Variants in SH3RF3 observed in about 807,000 individuals in gnomAD.
SH3RF3 encodes the protein E3 ubiquitin-protein ligase SH3RF3.
SH3RF3 carries 29 observed loss-of-function variants against 66.3 expected under a neutral mutation model. The observed-to-expected ratio is 0.44, with a 90% confidence interval of 0.33 to 0.60. SH3RF3 has a LOEUF of 0.60. Ranked by LOEUF, SH3RF3 falls within the 20% of genes least tolerant of loss-of-function variation. The pLI is 0.04. For synonymous variants in SH3RF3, 583 were observed against 532.0 expected (o/e 1.10, Z -1.32); for missense variants, 1,194 against 1,190.9 (o/e 1.00, Z -0.04).
chr2:109,332,122 C>G (rs1361469975), intron 1 of SH3RF3, among the ~76,000 whole-genome samples: 1 of 152,172 alleles, frequency 6.6e-6, no homozygotes, highest in East Asian at 1.9e-4. Context: ...TTGGCCAAGG[C>G]TGCTGGTAAA....
chr2:109,288,017 CT>C (rs1250178355), intron 1 of SH3RF3, among the ~76,000 whole-genome samples: 2 of 135,886 alleles, frequency 1.5e-5, no homozygotes, highest in African/African-American at 2.6e-5. Flanking sequence ...ATCCCATGGC[CT>C]TTTGGCTGAC....
intron 1 of SH3RF3, among the ~76,000 whole-genome samples, chr2:109,317,382 A>G (rs951368326): frequency 6.6e-6 from 1 of 152,084 alleles, no homozygotes; most frequent in African/African-American, 2.4e-5. Flanking sequence ...AGGAGAGTCC[A>G]GAGGTCTGGG....
chr2:109,490,219 A>G (rs1220352135), intron 8 of SH3RF3, among the ~76,000 whole-genome samples: 4 of 152,214 alleles, frequency 2.6e-5, no homozygotes, highest in African/African-American at 9.6e-5. Context: ...GCCTTGGAAA[A>G]TAGAAATAAT....
chr2:109,470,948 G>C (rs983550226), intron 8 of SH3RF3, among the ~76,000 whole-genome samples: 1 of 152,124 alleles, frequency 6.6e-6, no homozygotes, highest in Non-Finnish European at 1.5e-5. Flanking sequence ...GGCTGGGTGC[G>C]GTGGCTCACG....
intron 1 of SH3RF3, chr2:109,313,653 C>T (rs150263827): frequency 7.7e-5 from 12 of 155,106 alleles, no homozygotes; most frequent in African/African-American, 2.6e-4. Flanking sequence ...GCTCAACATC[C>T]CAGGGGGATG....
intron 4 of SH3RF3, among the ~76,000 whole-genome samples, chr2:109,407,962 C>T (rs1312937378): frequency 2.0e-5 from 3 of 152,114 alleles, no homozygotes; most frequent in Non-Finnish European, 2.9e-5. Context: ...GCTGCTATGA[C>T]GAGCTAGGAA....
chr2:109,273,599 G>T (rs191427403), intron 1 of SH3RF3, among the ~76,000 whole-genome samples: 3 of 152,314 alleles, frequency 2.0e-5, no homozygotes, highest in Admixed American at 2.0e-4. Flanking sequence ...TTTGTGGTGG[G>T]ACAGGCTTAG....
intron 7 of SH3RF3, among the ~76,000 whole-genome samples, chr2:109,437,587 G>T (rs1161700259): frequency 1.3e-5 from 2 of 152,216 alleles, no homozygotes; most frequent in Non-Finnish European, 2.9e-5. Context: ...GCCCTGCAGG[G>T]CTTCCCAGCT....
intron 6 of SH3RF3, among the ~76,000 whole-genome samples, chr2:109,435,569 G>C (rs1376292113): frequency 1.3e-5 from 2 of 152,194 alleles, no homozygotes; most frequent in African/African-American, 2.4e-5. Context: ...GTGGGAGCAG[G>C]TATGTGGCTC....
intron 1 of SH3RF3, among the ~76,000 whole-genome samples, chr2:109,280,102 T>C (rs1680848018): frequency 6.6e-6 from 1 of 152,174 alleles, no homozygotes. Flanking sequence ...GTTCTTTTTT[T>C]CTGCATGTTT....
At chr2:109,437,890 C>T (rs1214631960) in intron 7 of SH3RF3, among the ~76,000 whole-genome samples, 2 of 152,154 alleles carry the variant, frequency 1.3e-5, no homozygotes, top group Non-Finnish European at 2.9e-5. Context: ...CATGCCACGG[C>T]GTCTTCCACC....
At chr2:109,169,173 T>C (rs1677697095) in intron 1 of SH3RF3, among the ~76,000 whole-genome samples, 1 of 152,240 alleles carries the variant, frequency 6.6e-6, no homozygotes, top group African/African-American at 2.4e-5. Context: ...TTAATAATAC[T>C]GAGTTGTGAC....
At chr2:109,218,493 G>C (rs545491578) in intron 1 of SH3RF3, among the ~76,000 whole-genome samples, 1 of 152,262 alleles carries the variant, frequency 6.6e-6, no homozygotes, top group African/African-American at 2.4e-5. Flanking sequence ...TGCTTATTAG[G>C]CAGAAATAGA....
chr2:109,471,371 G>A (rs1358788661), intron 8 of SH3RF3, among the ~76,000 whole-genome samples: 1 of 152,170 alleles, frequency 6.6e-6, no homozygotes, highest in African/African-American at 2.4e-5. Context: ...CAAGGCGGCA[G>A]GAGAGAGAAG....
rs921441990 is a variant in SH3RF3, at chr2:109,503,740, T to C, written c.*2069T>C. 1 of 152,184 alleles carries C rather than the reference T, an allele frequency of 6.6e-6. No individual in the cohort carries two copies. Among genetic ancestry groups the C allele is most frequent in the Non-Finnish European group, 1.5e-5 (1 of 68,044 alleles). 9.4% of individuals were successfully genotyped at this position (152,184 alleles called of 1,614,324 possible). ...CCAGGTAACTTTTTTGAAGTCTTTT[T>C]TTTAAGGCGCGCAGGTACCAAGCAA... On this transcript the variant is annotated 3_prime_UTR_variant, in exon 10 of 10. Coordinates refer to ENST00000309415, the MANE Select transcript of SH3RF3 (RefSeq NM_001099289.3).
intron 1 of SH3RF3, among the ~76,000 whole-genome samples, chr2:109,338,972 C>T (rs1682492755): frequency 6.6e-6 from 1 of 152,094 alleles, no homozygotes; most frequent in Admixed American, 6.5e-5. Flanking sequence ...ATACTGTGTT[C>T]TTAGAATAAA....
chr2:109,302,183 C>T (rs926877016), intron 1 of SH3RF3, among the ~76,000 whole-genome samples: 2 of 152,210 alleles, frequency 1.3e-5, no homozygotes, highest in African/African-American at 4.8e-5. Context: ...GTTGGTACTC[C>T]TACAGCCAGT....
chr2:109,460,586 A>G (rs1449074941), intron 8 of SH3RF3, among the ~76,000 whole-genome samples: 1 of 152,216 alleles, frequency 6.6e-6, no homozygotes, highest in Non-Finnish European at 1.5e-5. Flanking sequence ...ACAGAATCCC[A>G]TCTGTGGAAT....
Position 109,464,404 on chromosome 2 carries a change from TACAC to T in SH3RF3, c.2148+14917_2148+14920del, listed in dbSNP as rs368711865. ...CATCTACATGAATACATAACAAAAA[TACAC>T]ATACAAACATGACTACATGTACACA... On this transcript the variant is annotated intron_variant, in intron 8 of 9. Transcript: ENST00000309415. Among the ~76,000 whole-genome samples, 121 of 152,240 alleles carry T rather than the reference TACAC, an allele frequency of 7.9e-4. 1 individual carries two copies. Among genetic ancestry groups the T allele is most frequent in the Middle Eastern group, 3.4e-3 (1 of 294 alleles).
Sources: allele counts gnomAD v4.1 joint callset (sites outside exome capture counted in the v4.1 genomes callset), GRCh38; gene constraint gnomAD v4.1.1; transcripts MANE v1.5; gene names NCBI Gene and HGNC (gene_info 2026-07-23, HGNC 2026-07-21).